Variants in XPO7 observed in about 807,000 individuals in gnomAD.
XPO7 encodes the protein exportin-7.
A neutral mutation model predicts 144.3 loss-of-function variants in XPO7; 21 were observed. The observed-to-expected ratio is 0.15, with a 90% confidence interval of 0.10 to 0.21. The LOEUF (loss-of-function observed/expected upper bound fraction) is 0.21. XPO7 is among the 10% of genes least tolerant of loss of function. XPO7 has a pLI of 1.00. For missense variants in XPO7, 808 were observed against 1,325.8 expected (o/e 0.61, Z 6.06); for synonymous variants, 580 against 499.6 (o/e 1.16, Z -2.15).
At chr8:22,002,968 G>T in intron 25 of XPO7, 1 of 301,826 alleles carries the variant, frequency 3.3e-6, no homozygotes. Flanking sequence ...CACAACTCAG[G>T]GTGACCTGGA....
rs1306544315 is a variant in XPO7, at chr8:21,967,022, T to G, written c.165+19T>G. The G allele has an allele frequency of 6.2e-7, 1 of 1,608,784 alleles. No homozygotes were observed. Among genetic ancestry groups the G allele is most frequent in the Non-Finnish European group, 8.5e-7 (1 of 1,176,866 alleles). On this transcript the variant is annotated intron_variant, in intron 2 of 27. Coordinates refer to ENST00000252512, the MANE Select transcript of XPO7 (RefSeq NM_015024.5). Reference sequence around the variant, plus strand: ...AGGAAGTGTGCGTAAGATCTGAAAATCCTAAAGGATAACAGGCGCTTCGGA... The same window carrying G: ...AGGAAGTGTGCGTAAGATCTGAAAAGCCTAAAGGATAACAGGCGCTTCGGA...
intron 1 of XPO7, among the ~76,000 whole-genome samples, chr8:21,937,193 T>G (rs1422140631): frequency 6.6e-6 from 1 of 152,248 alleles, no homozygotes; most frequent in Non-Finnish European, 1.5e-5. Flanking sequence ...ATGGTAGATA[T>G]GACCACCATA....
chr8:21,963,880 A>G (rs1811805051), intron 1 of XPO7, among the ~76,000 whole-genome samples: 1 of 152,216 alleles, frequency 6.6e-6, no homozygotes, highest in African/African-American at 2.4e-5. Flanking sequence ...TGTAATCTCA[A>G]CAAATCTCGC....
intron 7 of XPO7, among the ~76,000 whole-genome samples, chr8:21,976,944 C>T (rs1209416186): frequency 6.6e-6 from 1 of 152,210 alleles, no homozygotes; most frequent in Non-Finnish European, 1.5e-5. Flanking sequence ...CAGGTGTGAG[C>T]CACTGTGCCC....
intron 1 of XPO7, among the ~76,000 whole-genome samples, chr8:21,940,440 G>A (rs1294115682): frequency 6.6e-6 from 1 of 151,062 alleles, no homozygotes; most frequent in African/African-American, 2.4e-5. Context: ...AAGCAACAGT[G>A]GCTCCCGGGA....
At chr8:21,947,734 A>G (rs1039622741) in intron 1 of XPO7, among the ~76,000 whole-genome samples, 2 of 152,210 alleles carry the variant, frequency 1.3e-5, no homozygotes, top group African/African-American at 4.8e-5. Context: ...TAAAATTAAG[A>G]ACGTATATTC....
Position 21,990,816 on chromosome 8 carries a change from G to A in XPO7, c.1938G>A (p.Glu646=). 1 of 1,613,768 alleles carries A rather than the reference G, an allele frequency of 6.2e-7. No individual in the cohort carries two copies. The highest frequency in any genetic ancestry group is 8.5e-7 in the Non-Finnish European group (1 of 1,179,844). Residue 646 remains glutamate, a synonymous_variant, in exon 18 of 28, where the codon GAG becomes GAA. Transcript: ENST00000252512. The part of the protein sequence containing the change: ...VQFMLNNHTS[E]HFSFLGINNQ... ...TCTTTTCTTTTTTTCAATAGAGCGA[G>A]CACTTTTCATTTTTGGGTATTAACA...
At chr8:21,998,181 C>T (rs1035300086) in intron 21 of XPO7, among the ~76,000 whole-genome samples, 28 of 152,302 alleles carry the variant, frequency 1.8e-4, no homozygotes, top group Admixed American at 4.6e-4. Flanking sequence ...GTGGCTCACG[C>T]CTGTAATCCC....
rs1812557950 is a variant in XPO7, at chr8:21,985,751, T to TG, written c.1577+60_1577+61insG. 59 of 1,429,564 alleles carry TG rather than the reference T, an allele frequency of 4.1e-5. No individual in the cohort carries two copies. In the South Asian group the frequency reaches 4.9e-4, roughly 12 times the overall value. The allele number at this position is 1,429,564 out of a possible 1,614,324, so 88.6% of individuals were successfully genotyped here. On this transcript the variant is annotated intron_variant, in intron 13 of 27. Coordinates refer to ENST00000252512, the MANE Select transcript of XPO7 (RefSeq NM_015024.5). ...TTGCTGGCACTTCTCCACTCCCCGA[T>TG]AGGGTCCTCTCCACTTACAGAACGT...
chr8:21,979,999 G>A, intron 8 of XPO7, 85 bp from the exon 9 acceptor site: 1 of 1,371,746 alleles, frequency 7.3e-7, no homozygotes, highest in African/African-American at 1.5e-5. Flanking sequence ...CCTAAAGAAG[G>A]ATATTGTAGG....
intron 21 of XPO7, among the ~76,000 whole-genome samples, chr8:21,997,843 G>GT (rs1407278555): frequency 1.3e-5 from 2 of 152,258 alleles, no homozygotes; most frequent in Non-Finnish European, 2.9e-5. Context: ...ATTCAGTGTG[G>GT]TGGGGGGGAG....
chr8:21,947,712 A>G (rs889135170), intron 1 of XPO7, among the ~76,000 whole-genome samples: 6 of 152,208 alleles, frequency 3.9e-5, no homozygotes, highest in Admixed American at 3.9e-4. Flanking sequence ...ATAATGATAA[A>G]TTAGGCTGTG....
chr8:21,990,964 T>C (rs369758522), intron 18 of XPO7, 45 bp downstream of exon 18: 2 of 1,555,252 alleles, frequency 1.3e-6, no homozygotes, highest in African/African-American at 2.7e-5. Context: ...TCTGGCACTC[T>C]TCTAAATTTT....
intron 1 of XPO7, among the ~76,000 whole-genome samples, chr8:21,931,181 T>C (rs1209119770): frequency 1.3e-5 from 2 of 151,614 alleles, no homozygotes; most frequent in Non-Finnish European, 2.9e-5. Flanking sequence ...TTTTTTTTTT[T>C]AGACAGAGTC....
intron 5 of XPO7, among the ~76,000 whole-genome samples, chr8:21,974,229 G>T: frequency 7.4e-6 from 1 of 135,146 alleles, no homozygotes; most frequent in Non-Finnish European, 1.7e-5. Flanking sequence ...TTTTAGAGGT[G>T]GTGGGGGGTC....
chr8:21,927,431 A>C (rs1290363532), intron 1 of XPO7, among the ~76,000 whole-genome samples: 2 of 152,034 alleles, frequency 1.3e-5, no homozygotes, highest in African/African-American at 4.8e-5. Flanking sequence ...CTGTCCATTC[A>C]GAGCTGTTTG....
Position 21,951,951 on chromosome 8 carries a change from A to T in XPO7, c.19-14906A>T, listed in dbSNP as rs576112985. On this transcript the variant is annotated intron_variant, in intron 1 of 27. Coordinates refer to ENST00000252512, the MANE Select transcript of XPO7 (RefSeq NM_015024.5). Reference sequence around the variant, plus strand: ...ATCAAGATAGGAGGGATTGGTGATAACCAGCCCAGTCTCAGCAATTTCAGT... The same window carrying T: ...ATCAAGATAGGAGGGATTGGTGATATCCAGCCCAGTCTCAGCAATTTCAGT... 6.6e-5 allele frequency among the ~76,000 whole-genome samples: 10 copies of T among 152,308 alleles called. No homozygotes were observed. In the South Asian group the frequency reaches 2.1e-3, roughly 32 times the overall value.
intron 1 of XPO7, among the ~76,000 whole-genome samples, chr8:21,945,101 C>G (rs929600651): frequency 6.6e-6 from 1 of 152,298 alleles, no homozygotes; most frequent in Middle Eastern, 3.4e-3. Context: ...CATCATGGCC[C>G]GTTCTCAATG....
At position 21,985,576 on chromosome 8, in the gene XPO7, C is replaced by T. The variant is rs1313255241; in HGVS notation, c.1472-10C>T. ...ACTGGAGGTGACACTGGGTCTGTCTCCTGCTGCAGGAAGGCTGACATGGCT... is the reference window on the plus strand; with the variant it reads ...ACTGGAGGTGACACTGGGTCTGTCTTCTGCTGCAGGAAGGCTGACATGGCT... On this transcript the variant is annotated splice_polypyrimidine_tract_variant and intron_variant, in intron 12 of 27. Transcript: ENST00000252512. 3.1e-6 allele frequency: 5 copies of T among 1,613,802 alleles called. No homozygotes were observed. The highest frequency in any genetic ancestry group is 2.2e-5 in the East Asian group (1 of 44,876).
Sources: gnomAD v4.1 joint callset for allele counts (sites outside exome capture counted in the v4.1 genomes callset) on GRCh38, gnomAD v4.1.1 for gene constraint, MANE v1.5 for transcripts, NCBI Gene and HGNC (gene_info 2026-07-23, HGNC 2026-07-21) for gene names.